MAPKAP1: variants seen among roughly 807,000 people sequenced by gnomAD.
MAPKAP1 encodes MAPK associated protein 1, also known as target of rapamycin complex 2 subunit MAPKAP1.
Under a neutral mutation model 65.7 loss-of-function variants are expected in MAPKAP1, and 20 were observed. The ratio of observed to expected loss-of-function variants is 0.30; its 90% CI spans 0.21 to 0.44. The LOEUF (loss-of-function observed/expected upper bound fraction) is 0.44, where lower values mean the gene tolerates loss of function less well. MAPKAP1 is among the 20% of genes least tolerant of loss of function. MAPKAP1 has a pLI of 1.00. For missense variants in MAPKAP1, 423 were observed against 648.0 expected (o/e 0.65, Z 3.77); for synonymous variants, 222 against 244.3 (o/e 0.91, Z 0.85).
chr9:125,650,593 C>T (rs955784703), intron 4 of MAPKAP1: 2 of 152,170 alleles, frequency 1.3e-5, no homozygotes, highest in African/African-American at 2.4e-5. Context: ...CAAGAGTCTG[C>T]CTTCCTTTGA....
intron 4 of MAPKAP1, among the ~76,000 whole-genome samples, chr9:125,651,124 G>A (rs1321694257): frequency 6.6e-6 from 1 of 152,064 alleles, no homozygotes; most frequent in Non-Finnish European, 1.5e-5. Flanking sequence ...GAGCCACTGT[G>A]CCCGGCGATC....
intron 5 of MAPKAP1, among the ~76,000 whole-genome samples, chr9:125,581,029 T>C (rs1224327398): frequency 6.6e-6 from 1 of 152,274 alleles, no homozygotes; most frequent in African/African-American, 2.4e-5. Flanking sequence ...ACTGCATGTA[T>C]GAAAACGGTT....
In MAPKAP1 at chr9:125,439,125, GGTGCTGTCGT is replaced by G. The variant is rs1482360222; in HGVS notation, c.1444-123_1444-114del. 1.6e-6 allele frequency: 2 copies of G among 1,251,992 alleles called. No homozygotes were observed. The highest frequency in any genetic ancestry group is 4.7e-5 in the Admixed American group (2 of 42,978). The allele number at this position is 1,251,992 out of a possible 1,614,324, so 77.6% of individuals were successfully genotyped here. ...ACCTGGGCCGGGTGCCTCAGGGCCA[GGTGCTGTCGT>G]GTGGAAGGAGTCCAGTCATCACAGC... On this transcript the variant is annotated intron_variant, in intron 11 of 11. Transcript: ENST00000265960. The surrounding 1 kb of genome is among the most constrained non-coding windows in gnomAD (Gnocchi z 4.0).
chr9:125,688,040 C>A (rs1377619790), intron 1 of MAPKAP1, among the ~76,000 whole-genome samples: 1 of 152,208 alleles, frequency 6.6e-6, no homozygotes, highest in Admixed American at 6.5e-5. Flanking sequence ...ATAGAGCTTT[C>A]ATAATCTCAA....
At chr9:125,693,706 T>C (rs201600663) in intron 1 of MAPKAP1, among the ~76,000 whole-genome samples, 16 of 102,026 alleles carry the variant, frequency 1.6e-4, no homozygotes, top group East Asian at 1.4e-3. Context: ...CACGTATATA[T>C]ACACATATAT....
intron 4 of MAPKAP1, among the ~76,000 whole-genome samples, chr9:125,643,319 C>T (rs566310329): frequency 1.3e-5 from 2 of 151,922 alleles, no homozygotes; most frequent in Non-Finnish European, 2.9e-5. Context: ...CTCAGCCTCC[C>T]GAGTAACTGA....
intron 1 of MAPKAP1, among the ~76,000 whole-genome samples, chr9:125,685,920 T>G (rs1174260246): frequency 6.6e-6 from 1 of 152,216 alleles, no homozygotes; most frequent in Admixed American, 6.5e-5. Flanking sequence ...AAGATTTATT[T>G]TCCTTCTATC....
At chr9:125,576,450 T>C (rs1382282121) in intron 5 of MAPKAP1, among the ~76,000 whole-genome samples, 1 of 152,158 alleles carries the variant, frequency 6.6e-6, no homozygotes, top group African/African-American at 2.4e-5. Flanking sequence ...AAATAGTCGA[T>C]TAAAATTTTT....
intron 6 of MAPKAP1, among the ~76,000 whole-genome samples, chr9:125,550,658 C>G (rs948663413): frequency 6.6e-6 from 1 of 152,170 alleles, no homozygotes; most frequent in African/African-American, 2.4e-5. Context: ...TCACTTTAAA[C>G]AGACACAAAG....
At chr9:125,570,090 A>G (rs970672813) in intron 5 of MAPKAP1, among the ~76,000 whole-genome samples, 1 of 152,222 alleles carries the variant, frequency 6.6e-6, no homozygotes, top group Non-Finnish European at 1.5e-5. Context: ...TAAATGCTAG[A>G]TAAGGCCTGG....
At chr9:125,613,800 T>C (rs867680355) in intron 4 of MAPKAP1, among the ~76,000 whole-genome samples, 69 of 151,340 alleles carry the variant, frequency 4.6e-4, no homozygotes, top group Non-Finnish European at 7.8e-4. Flanking sequence ...AAGAGCAATT[T>C]CTTTTTTTTT....
Position 125,581,892 on chromosome 9 carries a change from C to T in MAPKAP1, c.671+3663G>A, listed in dbSNP as rs868324114. Among the ~76,000 whole-genome samples, 5 of 152,092 alleles carry T rather than the reference C, an allele frequency of 3.3e-5. 1 individual carries two copies. The South Asian group carries it at 1.0e-3, about 32-fold the overall frequency. The stretch of plus-strand genomic sequence containing the variant: ...CCATTTAATTTGCATGTGTTTTTAA[C>T]ATCAAACCCACTCCTATCTGTCTTC... On this transcript the variant is annotated intron_variant, in intron 5 of 11. Transcript: ENST00000265960.
At chr9:125,517,804 T>A (rs1252404766) in intron 7 of MAPKAP1, among the ~76,000 whole-genome samples, 2 of 152,200 alleles carry the variant, frequency 1.3e-5, no homozygotes, top group Non-Finnish European at 1.5e-5. Flanking sequence ...CAGCCCTGCC[T>A]GAATCCCTGT....
chr9:125,675,513 T>C (rs1457938574), intron 1 of MAPKAP1, among the ~76,000 whole-genome samples: 1 of 152,198 alleles, frequency 6.6e-6, no homozygotes, highest in East Asian at 1.9e-4. Flanking sequence ...TCTTCTCTAT[T>C]AGGACACTAT....
rs1053806026 is a variant in MAPKAP1, at chr9:125,460,308, G to GA, written c.1345+7663dup. On this transcript the variant is annotated intron_variant, in intron 10 of 11. Coordinates refer to ENST00000265960, the MANE Select transcript of MAPKAP1 (RefSeq NM_001006617.3). ...AGCAAAAAGGAGGCTTCTCCCAGGA[G>GA]AAAAAAAAAAAAGTTGATACCCTCA... is the stretch of plus-strand genomic sequence containing the variant. Among the ~76,000 whole-genome samples, 242 of 137,284 alleles carry GA rather than the reference G, an allele frequency of 1.8e-3. 1 individual carries two copies. The highest frequency in any genetic ancestry group is 5.4e-3 in the South Asian group (24 of 4,422). The allele number at this position is 137,284 out of a possible 152,430, so 90.1% of individuals were successfully genotyped here.
chr9:125,480,642 CAATGAT>C (rs1242643904), intron 9 of MAPKAP1, among the ~76,000 whole-genome samples: 1 of 152,174 alleles, frequency 6.6e-6, no homozygotes, highest in Non-Finnish European at 1.5e-5. Flanking sequence ...ATAATAATGA[CAATGAT>C]AATAACACTA....
chr9:125,548,128 T>C (rs181821664), intron 6 of MAPKAP1, among the ~76,000 whole-genome samples: 41 of 152,346 alleles, frequency 2.7e-4, no homozygotes, highest in South Asian at 1.9e-3. Flanking sequence ...ACCCATTTTA[T>C]AGAAACTGAG....
chr9:125,701,623 G>C (rs1003348594), intron 1 of MAPKAP1, among the ~76,000 whole-genome samples: 1 of 152,156 alleles, frequency 6.6e-6, no homozygotes, highest in Non-Finnish European at 1.5e-5. Context: ...CATCTCAAGA[G>C]GTGATGATTA....
chr9:125,649,597 C>T (rs778978309), intron 4 of MAPKAP1, among the ~76,000 whole-genome samples: 1 of 151,872 alleles, frequency 6.6e-6, no homozygotes, highest in Non-Finnish European at 1.5e-5. Context: ...GGCTGGCTGA[C>T]AAGCGAGAAC....
Sources: gnomAD v4.1 joint callset for allele counts (sites outside exome capture counted in the v4.1 genomes callset) on GRCh38, gnomAD v4.1.1 for gene constraint, Gnocchi (gnomAD v3.1) non-coding constraint, MANE v1.5 for transcripts, NCBI Gene and HGNC (gene_info 2026-07-23, HGNC 2026-07-21) for gene names.